Variants in NSD3 observed in about 807,000 individuals in gnomAD.
NSD3 encodes histone-lysine N-methyltransferase NSD3.
Under a neutral mutation model 160.8 loss-of-function variants are expected in NSD3, and 24 were observed. The observed-to-expected ratio is 0.15, with a 90% CI of 0.11 to 0.21. The LOEUF is 0.21. NSD3 is among the 10% of genes least tolerant of loss of function. The pLI, the probability that NSD3 is intolerant of heterozygous loss-of-function variation, is 1.00. For synonymous variants in NSD3, 520 were observed against 600.0 expected, an observed-to-expected ratio of 0.87 and a Z score of 1.95; for missense variants, 1,157 against 1,735.9, an observed-to-expected ratio of 0.67 and a Z score of 5.93.
chr8:38,300,025 T>C (rs1188522956), intron 14 of NSD3, among the ~76,000 whole-genome samples: 7 of 151,978 alleles, frequency 4.6e-5, no homozygotes, highest in Non-Finnish European at 7.4e-5. Flanking sequence ...ATATATCAAG[T>C]AGCACTTTAA....
chr8:38,341,951 A>G (rs1477659173), intron 2 of NSD3, among the ~76,000 whole-genome samples: 1 of 152,156 alleles, frequency 6.6e-6, no homozygotes, highest in Non-Finnish European at 1.5e-5. Context: ...TCTCCAAAAA[A>G]ACAAAAAAAA....
At chr8:38,357,695 G>A (rs940286241) in intron 1 of NSD3, among the ~76,000 whole-genome samples, 5 of 152,108 alleles carry the variant, frequency 3.3e-5, no homozygotes, top group African/African-American at 9.7e-5. Context: ...GTTTTCTTAA[G>A]AGCAGGAAGT....
In NSD3 at chr8:38,346,905, T is replaced by C. The variant is rs999420912; in HGVS notation, c.675+592A>G. ...TCATTTAAGCTAGAATTATGTTACA[T>C]ACTTATTATATTATTGCTAAGCAAA... On this transcript the variant is annotated intron_variant, in intron 2 of 23. Transcript: ENST00000317025. Among the ~76,000 whole-genome samples the C allele has an allele frequency of 2.6e-5, 4 of 152,308 alleles. 1 individual carries two copies. The South Asian group carries it at 8.3e-4, about 32-fold the overall frequency.
chr8:38,322,972 CT>C (rs1809824251), intron 7 of NSD3, among the ~76,000 whole-genome samples: 1 of 152,216 alleles, frequency 6.6e-6, no homozygotes, highest in Non-Finnish European at 1.5e-5. Context: ...ACAAGGTATG[CT>C]TATCAACCAC....
At chr8:38,373,854 T>G (rs1203818275) in intron 1 of NSD3, among the ~76,000 whole-genome samples, 1 of 148,072 alleles carries the variant, frequency 6.8e-6, no homozygotes, top group Non-Finnish European at 1.5e-5. Context: ...TCCCAACACT[T>G]TGGGAGGACG....
intron 4 of NSD3, among the ~76,000 whole-genome samples, chr8:38,336,867 C>T (rs1489551791): frequency 2.0e-5 from 3 of 152,158 alleles, no homozygotes; most frequent in Non-Finnish European, 4.4e-5. Flanking sequence ...AGAGGCCGGG[C>T]GCAGTGGCTC....
rs1417474437 is a variant in NSD3, at chr8:38,321,166, A to G, written c.1715T>C (p.Val572Ala). The change falls in exon 8 of 24, where the codon GTA becomes GCA. Residue 572 changes from valine (V) to alanine (A), a missense_variant. By Grantham distance (64) the Val-to-Ala change is moderately conservative. This residue lies in a region of NSD3 where 102 missense variants were observed against 126.5 expected (regional missense o/e 0.81). Coordinates refer to ENST00000317025, the MANE Select transcript of NSD3 (RefSeq NM_023034.2). The surrounding 1 kb of genome is among the most constrained non-coding windows in gnomAD (Gnocchi z 4.7). ...TGATCTTCTCTGTTGCTTCTTTTCTACTGAGCCTAAGAAATGATTTAAACA... is the reference window on the plus strand; with the variant it reads ...TGATCTTCTCTGTTGCTTCTTTTCTGCTGAGCCTAAGAAATGATTTAAACA... ...PEATSGSTGSVEKKQQRRSIR... is the reference protein window; with the variant it reads ...PEATSGSTGSAEKKQQRRSIR... 6.2e-7 allele frequency: 1 copy of G among 1,611,242 alleles called. No homozygotes were observed. Among genetic ancestry groups the G allele is most frequent in the Non-Finnish European group, 8.5e-7 (1 of 1,179,430 alleles).
In NSD3 at chr8:38,288,530, T is replaced by C. The variant is rs780752696; in HGVS notation, c.3458A>G (p.Glu1153Gly). The C allele has an allele frequency of 1.9e-6, 3 of 1,614,178 alleles. No individual in the cohort carries two copies. In the Middle Eastern group the frequency reaches 4.9e-4, roughly 266 times the overall value. Residue 1153 changes from glutamate to glycine, a missense_variant, in exon 19 of 24, where the codon GAG becomes GGG. By Grantham distance (98) the Glu-to-Gly change is moderately conservative. Around this residue, in one of 10 missense-constraint regions of NSD3, gnomAD observed 222 missense variants for 409.9 expected, o/e 0.54. Transcript: ENST00000317025. The surrounding 1 kb of genome is among the most constrained non-coding windows in gnomAD (Gnocchi z 4.5). ...LYPDAEIIKT[E>G]RRGWGLRTKR... ...GGTCCTGAGGCCCCAGCCTCTCCGC[T>C]CCGTTTTGATGATCTCTGCATCAGG...
intron 12 of NSD3, among the ~76,000 whole-genome samples, chr8:38,308,840 T>C (rs1028717373): frequency 2.6e-5 from 4 of 151,878 alleles, no homozygotes; most frequent in African/African-American, 9.7e-5. Context: ...TAAGCCTTCA[T>C]TTATGTAATG....
At chr8:38,381,769 C>CACAT (rs1365895153) in intron 1 of NSD3, 30 bp downstream of exon 1, 1 of 152,434 alleles carries the variant, frequency 6.6e-6, no homozygotes, top group Non-Finnish European at 1.4e-5. Context: ...CACACACACA[C>CACAT]ACACATACAC....
intron 1 of NSD3, among the ~76,000 whole-genome samples, chr8:38,351,746 T>C (rs1470684337): frequency 3.3e-5 from 5 of 150,968 alleles, no homozygotes; most frequent in Admixed American, 1.3e-4. Context: ...CTGGAAACCA[T>C]CATTCTCAGC....
In NSD3 at chr8:38,337,518, T is replaced by G. The variant is rs141192309; in HGVS notation, c.748-51A>C. The G allele has an allele frequency of 6.0e-4, 852 of 1,429,834 alleles. 18 individuals carry two copies. The East Asian group carries it at 0.021, about 35-fold the overall frequency. 88.6% of individuals were successfully genotyped at this position (1,429,834 alleles called of 1,614,324 possible). The stretch of plus-strand genomic sequence containing the variant: ...ATCAGAAATTCAAAAAAAGAAACTA[T>G]GTATAAAGTACATTAAAAATGCTAA... On this transcript the variant is annotated intron_variant, in intron 3 of 23. Coordinates refer to ENST00000317025, the MANE Select transcript of NSD3 (RefSeq NM_023034.2).
chr8:38,347,378 G>C, intron 2 of NSD3, 119 bp downstream of exon 2: 2 of 1,065,190 alleles, frequency 1.9e-6, no homozygotes, highest in Non-Finnish European at 2.7e-6. Flanking sequence ...CACGTTGCTA[G>C]TGATTAAAGA....
At chr8:38,339,724 C>CAAA (rs1232259132) in intron 2 of NSD3, among the ~76,000 whole-genome samples, 2 of 107,228 alleles carry the variant, frequency 1.9e-5, no homozygotes, top group African/African-American at 3.5e-5. Flanking sequence ...GACTCCATCT[C>CAAA]AAAAAAAAAA....
chr8:38,347,847 T>C lies in NSD3; in HGVS notation c.325A>G (p.Thr109Ala), dbSNP rs1486424960. ...GFGAVRNFSP[T>A]DYYHSEIPNT... The stretch of plus-strand genomic sequence containing the variant: ...GGAATTTCTGAATGATAATAGTCAG[T>C]GGGGCTAAAGTTTCTAACTGCACCA... The change falls in exon 2 of 24, where the codon ACT becomes GCT. Residue 109 changes from threonine to alanine, a missense_variant. Thr to Ala is a moderately conservative substitution (Grantham distance 58, BLOSUM62 0). Coordinates refer to ENST00000317025, the MANE Select transcript of NSD3 (RefSeq NM_023034.2). 3.7e-6 allele frequency: 6 copies of C among 1,614,106 alleles called. No individual in the cohort carries two copies. Among genetic ancestry groups the C allele is most frequent in the Non-Finnish European group, 4.2e-6 (5 of 1,180,046 alleles).
At chr8:38,338,477 A>T in intron 3 of NSD3, 59 bp downstream of exon 3, 1 of 1,347,338 alleles carries the variant, frequency 7.4e-7, no homozygotes, top group Non-Finnish European at 1.1e-6. Context: ...CAATTCAATC[A>T]CTGTGTTTCA....
At chr8:38,359,787 G>C (rs989973637) in intron 1 of NSD3, among the ~76,000 whole-genome samples, 3 of 152,086 alleles carry the variant, frequency 2.0e-5, no homozygotes, top group Non-Finnish European at 4.4e-5. Flanking sequence ...GCAAGTGATT[G>C]TTCTATTTGT....
At chr8:38,313,616 G>A (rs1292775032) in intron 12 of NSD3, among the ~76,000 whole-genome samples, 4 of 151,778 alleles carry the variant, frequency 2.6e-5, no homozygotes, top group East Asian at 3.9e-4. Flanking sequence ...GTGAAACCTC[G>A]TCTCTACTAA....
In NSD3 at chr8:38,288,947, T is replaced by C. The variant is rs1223556260; in HGVS notation, c.3232-191A>G. Among the ~76,000 whole-genome samples the C allele has an allele frequency of 2.6e-5, 4 of 152,222 alleles. No homozygotes were observed. Among genetic ancestry groups the C allele is most frequent in the African/African-American group, 9.6e-5 (4 of 41,456 alleles). ...AGTTGACAAAAATATCAAAGCCTCA[T>C]GTGAATTTTCACTTATTTATCCTGG... On this transcript the variant is annotated intron_variant, in intron 18 of 23. Coordinates refer to ENST00000317025, the MANE Select transcript of NSD3 (RefSeq NM_023034.2). This position sits in a 1 kb window ranked among gnomAD's most constrained non-coding sequence, Gnocchi z 4.5.
Sources: gnomAD v4.1 joint callset for allele counts (sites outside exome capture counted in the v4.1 genomes callset) on GRCh38, gnomAD v4.1.1 for gene constraint, gnomAD v4.1.1 regional missense constraint, Gnocchi (gnomAD v3.1) non-coding constraint, MANE v1.5 for transcripts, NCBI Gene and HGNC (gene_info 2026-07-23, HGNC 2026-07-21) for gene names.